VPS13B: variants seen among roughly 807,000 people sequenced by gnomAD.
VPS13B encodes intermembrane lipid transfer protein VPS13B.
In VPS13B, 285 loss-of-function variants were observed where a neutral mutation model predicts 426.4. The ratio of observed to expected loss-of-function variants is 0.67; its 90% CI spans 0.61 to 0.74. The LOEUF (loss-of-function observed/expected upper bound fraction) is 0.74, where lower values mean the gene tolerates loss of function less well. Ranked by LOEUF, VPS13B falls within the 30% of genes least tolerant of loss-of-function variation. The pLI, the probability that VPS13B is intolerant of heterozygous loss-of-function variation, is 0.00. For missense variants in VPS13B, 4,537 were observed against 4,782.6 expected (o/e 0.95, Z 1.51); for synonymous variants, 1,676 against 1,676.4 (o/e 1.00, Z 0.01).
chr8:99,818,966 C>T (rs1297738732), intron 47 of VPS13B, 78 bp downstream of exon 47: 44 of 94,008 alleles, frequency 4.7e-4, no homozygotes, highest in Middle Eastern at 2.9e-3. Flanking sequence ...CACTGGGGGG[C>T]GGCGGGGGAG....
intron 34 of VPS13B, among the ~76,000 whole-genome samples, chr8:99,654,641 G>A (rs1010424211): frequency 3.3e-5 from 5 of 152,110 alleles, no homozygotes; most frequent in Non-Finnish European, 5.9e-5. Context: ...ACTTGAAGCC[G>A]TTGAGCATAG....
chr8:99,685,578 G>A (rs116920989), intron 35 of VPS13B, among the ~76,000 whole-genome samples: 1 of 152,252 alleles, frequency 6.6e-6, no homozygotes, highest in East Asian at 1.9e-4. Context: ...CTCTGATTGT[G>A]TATTTTCAAA....
chr8:99,290,418 C>T (rs1819665879), intron 19 of VPS13B, among the ~76,000 whole-genome samples: 1 of 151,968 alleles, frequency 6.6e-6, no homozygotes, highest in Non-Finnish European at 1.5e-5. Flanking sequence ...AAAAACCAAA[C>T]ACTGCATGTT....
chr8:99,668,762 C>T (rs955320054), intron 35 of VPS13B, among the ~76,000 whole-genome samples: 1 of 152,140 alleles, frequency 6.6e-6, no homozygotes, highest in Non-Finnish European at 1.5e-5. Flanking sequence ...ATAATATCTC[C>T]AGCAGGTGAT....
rs144425928 is a variant in VPS13B at position 99,339,212 on chromosome 8, T to C, written c.2825-44996T>C. Among the ~76,000 whole-genome samples the C allele has an allele frequency of 6.1e-3, 928 of 152,328 alleles. 13 individuals carry two copies. Among genetic ancestry groups the C allele is most frequent in the African/African-American group, 0.021 (883 of 41,580 alleles). On this transcript the variant is annotated intron_variant, in intron 19 of 61. Coordinates refer to ENST00000357162, the MANE Select transcript of VPS13B (RefSeq NM_152564.5). ...AATATTAAGTTTGGAAGAGTTTTTG[T>C]ATTAGGTCGTTCTTGCATTGCTATA...
intron 35 of VPS13B, among the ~76,000 whole-genome samples, chr8:99,664,685 T>C (rs1347164567): frequency 6.6e-6 from 1 of 152,226 alleles, no homozygotes; most frequent in Non-Finnish European, 1.5e-5. Context: ...CCATGGTGTA[T>C]ATGTGCCACA....
chr8:99,425,214 G>T lies in VPS13B; in HGVS notation c.3083-6323G>T, dbSNP rs189398949. On this transcript the variant is annotated intron_variant, in intron 21 of 61. Coordinates refer to ENST00000357162, the MANE Select transcript of VPS13B (RefSeq NM_152564.5). ...GAGGGAATCCTCCCTAACTCATTTT[G>T]TGAGTCCAGCATCATCCTGATACCA... is the stretch of plus-strand genomic sequence containing the variant. 5.4e-4 allele frequency among the ~76,000 whole-genome samples: 82 copies of T among 152,212 alleles called. 3 individuals carry two copies. The highest frequency in any genetic ancestry group is 5.0e-3 in the Admixed American group (77 of 15,288).
chr8:99,340,586 G>A, intron 19 of VPS13B: 4 of 453,606 alleles, frequency 8.8e-6, no homozygotes, highest in East Asian at 6.1e-5. Context: ...AAGCTTCCAC[G>A]AGAGGACCTC....
intron 29 of VPS13B, among the ~76,000 whole-genome samples, chr8:99,519,998 G>A (rs187768668): frequency 1.3e-5 from 2 of 152,204 alleles, no homozygotes; most frequent in African/African-American, 2.4e-5. Flanking sequence ...CCCCTTTCAT[G>A]CCAAATAGTC....
At chr8:99,839,257 T>A (rs1208264918) in intron 54 of VPS13B, among the ~76,000 whole-genome samples, 2 of 152,160 alleles carry the variant, frequency 1.3e-5, no homozygotes, top group Non-Finnish European at 2.9e-5. Context: ...TCTTCGCAAA[T>A]GGATTGTTTT....
At chr8:99,536,505 A>G (rs895717173) in intron 30 of VPS13B, 3 of 338,260 alleles carry the variant, frequency 8.9e-6, no homozygotes, top group African/African-American at 6.5e-5. Flanking sequence ...TTCACTTAAT[A>G]CCATAGTTAT....
chr8:99,546,426 A>G (rs768936473), intron 30 of VPS13B, among the ~76,000 whole-genome samples: 2 of 152,024 alleles, frequency 1.3e-5, no homozygotes, highest in Non-Finnish European at 2.9e-5. Context: ...TAGTTCTCAT[A>G]TTGTTAGGTA....
chr8:99,085,830 T>C (rs1382351779), intron 3 of VPS13B, among the ~76,000 whole-genome samples: 2 of 152,246 alleles, frequency 1.3e-5, no homozygotes. Context: ...GTTAGTCTGA[T>C]GGGCTTCACT....
At chr8:99,663,759 T>G (rs566720165) in intron 35 of VPS13B, among the ~76,000 whole-genome samples, 1 of 152,290 alleles carries the variant, frequency 6.6e-6, no homozygotes, top group South Asian at 2.1e-4. Context: ...TACTTATTTC[T>G]CAGTTTTAGT....
intron 21 of VPS13B, among the ~76,000 whole-genome samples, chr8:99,411,973 C>T (rs1815692751): frequency 6.6e-6 from 1 of 152,182 alleles, no homozygotes. Flanking sequence ...AGTTTGAATT[C>T]AAGTAGTGTG....
chr8:99,820,580 A>C (rs1259307552), intron 49 of VPS13B, among the ~76,000 whole-genome samples: 1 of 152,170 alleles, frequency 6.6e-6, no homozygotes, highest in Non-Finnish European at 1.5e-5. Context: ...GATGTTCATA[A>C]TTATGGATGT....
intron 33 of VPS13B, among the ~76,000 whole-genome samples, chr8:99,634,430 T>C (rs766878310): frequency 6.6e-6 from 1 of 152,004 alleles, no homozygotes; most frequent in Non-Finnish European, 1.5e-5. Flanking sequence ...AGTGGCCTCA[T>C]ACTGTTACTT....
At position 99,094,459 on chromosome 8, in the gene VPS13B, A is replaced by G. The variant is rs138323862; in HGVS notation, c.292-1853A>G. Among the ~76,000 whole-genome samples, 526 of 152,312 alleles carry G rather than the reference A, an allele frequency of 3.5e-3. 2 individuals carry two copies. The highest frequency in any genetic ancestry group is 0.012 in the African/African-American group (504 of 41,572). ...TGTCTTTATGAATATTGAATAGTGAAGTTATTTTGTGGAATGAAACCTGTG... is the reference window on the plus strand; with the variant it reads ...TGTCTTTATGAATATTGAATAGTGAGGTTATTTTGTGGAATGAAACCTGTG... On this transcript the variant is annotated intron_variant, in intron 3 of 61. Coordinates refer to ENST00000357162, the MANE Select transcript of VPS13B (RefSeq NM_152564.5).
chr8:99,318,897 C>T (rs1280393652), intron 19 of VPS13B, among the ~76,000 whole-genome samples: 1 of 152,056 alleles, frequency 6.6e-6, no homozygotes, highest in Non-Finnish European at 1.5e-5. Context: ...CAAAGAAAGT[C>T]TAGTTATTGT....
Sources: allele counts gnomAD v4.1 joint callset (sites outside exome capture counted in the v4.1 genomes callset), GRCh38; gene constraint gnomAD v4.1.1; transcripts MANE v1.5; gene names NCBI Gene and HGNC (gene_info 2026-07-23, HGNC 2026-07-21).